MT1X: variants seen among roughly 807,000 people sequenced by gnomAD.
The protein encoded by MT1X is metallothionein-1X.
In MT1X, 7 loss-of-function variants were observed where a neutral mutation model predicts 8.6. The ratio of observed to expected loss-of-function variants is 0.81; its 90% CI spans 0.46 to 1.52. MT1X has a LOEUF of 1.52. MT1X is among the 40% of genes most tolerant of loss of function. The probability of loss-of-function intolerance (pLI) is 0.01; values close to 1 mark genes in which losing one functional copy is unlikely to be tolerated. For synonymous variants in MT1X, 25 were observed against 27.6 expected (o/e 0.91, Z 0.30); for missense variants, 72 against 74.3 (o/e 0.97, Z 0.11).
Position 56,683,973 on chromosome 16 carries a change from G to A in MT1X, c.110G>A (p.Cys37Tyr). 3.7e-6 allele frequency: 6 copies of A among 1,614,158 alleles called. No individual in the cohort carries two copies. The highest frequency in any genetic ancestry group is 5.1e-6 in the Non-Finnish European group (6 of 1,180,004). ...TSCKKSCCSCCPVGCAKCAQG... is the reference protein window; with the variant it reads ...TSCKKSCCSCYPVGCAKCAQG... Reference sequence around the variant, plus strand: ...TCTTCTCCAGGCTGCTGCTCCTGCTGCCCTGTGGGCTGTGCCAAGTGTGCC... The same window carrying A: ...TCTTCTCCAGGCTGCTGCTCCTGCTACCCTGTGGGCTGTGCCAAGTGTGCC... Residue 37 changes from cysteine (C) to tyrosine (Y), a missense_variant, in exon 3 of 3, where the codon TGC (cysteine) becomes TAC (tyrosine). Transcript: ENST00000394485.
chr16:56,683,727 A>G lies in MT1X; in HGVS notation c.95-231A>G, dbSNP rs373721269. The stretch of plus-strand genomic sequence containing the variant: ...GCCTCCTTTTGTTCCTGTACCCCCA[A>G]TCACTACCTGTCCAGTCTTCTGTCC... On this transcript the variant is annotated intron_variant, in intron 2 of 2. Transcript: ENST00000394485. 1,403 of 578,382 alleles carry G rather than the reference A, an allele frequency of 2.4e-3. 17 individuals are homozygous for G. The highest frequency in any genetic ancestry group is 0.018 in the South Asian group (799 of 44,956). 35.8% of individuals were successfully genotyped at this position (578,382 alleles called of 1,614,324 possible). A position where few individuals can be genotyped will look rare whatever the true frequency, so the allele number is the denominator to read the frequency against.
intron 2 of MT1X, chr16:56,683,557 G>A (rs1961027378): frequency 2.5e-6 from 1 of 396,422 alleles, no homozygotes; most frequent in African/African-American, 2.1e-5. Flanking sequence ...AAGACCCCGG[G>A]TGATTTCAAA....
chr16:56,683,083 G>A, intron 1 of MT1X, 82 bp from the exon 2 acceptor site: 1 of 1,516,880 alleles, frequency 6.6e-7, no homozygotes, highest in East Asian at 2.3e-5. Flanking sequence ...GCACAGAGGA[G>A]GGGTCACTGA....
Position 56,683,169 on chromosome 16 carries a change from C to T in MT1X, c.33C>T (p.Gly11=), listed in dbSNP as rs1361905017. The T allele has an allele frequency of 1.9e-6, 3 of 1,613,986 alleles. No individual in the cohort carries two copies. Among genetic ancestry groups the T allele is most frequent in the South Asian group, 2.2e-5 (2 of 91,086 alleles). Residue 11 remains glycine (G), a synonymous_variant, in exon 2 of 3, where the codon GGC becomes GGT. Coordinates refer to ENST00000394485, the MANE Select transcript of MT1X (RefSeq NM_005952.4). MDPNCSCSPV[G]SCACAGSCKC... ...GCCTTTTTCTCTTCCTTGCAGTTGG[C>T]TCCTGTGCCTGTGCCGGCTCCTGCA...
Position 56,683,170 on chromosome 16 carries a change from TCCTGTG to T in MT1X, c.43_48del (p.Cys15_Ala16del). On this transcript the variant is annotated inframe_deletion, in exon 2 of 3. Transcript: ENST00000394485. ...CCTTTTTCTCTTCCTTGCAGTTGGC[TCCTGTG>T]CCTGTGCCGGCTCCTGCAAATGCAA... 1 of 1,613,988 alleles carries T rather than the reference TCCTGTG, an allele frequency of 6.2e-7. No homozygotes were observed. Among genetic ancestry groups the T allele is most frequent in the Non-Finnish European group, 8.5e-7 (1 of 1,179,920 alleles).
chr16:56,684,144 C>T lies in MT1X; in HGVS notation c.*95C>T. ...TTTTTGTACAACCCTGACCCGTTTG[C>T]TACATCTTTTTTTCTATGAAATATG... On this transcript the variant is annotated 3_prime_UTR_variant, in exon 3 of 3. Transcript: ENST00000394485. 1 of 1,381,102 alleles carries T rather than the reference C, an allele frequency of 7.2e-7. No individual in the cohort carries two copies. The highest frequency in any genetic ancestry group is 9.7e-7 in the Non-Finnish European group (1 of 1,034,896). The allele number at this position is 1,381,102 out of a possible 1,614,324, so 85.6% of individuals were successfully genotyped here. A position where few individuals can be genotyped will look rare whatever the true frequency, so the allele number is the denominator to read the frequency against.
intron 1 of MT1X, 164 bp from the exon 2 acceptor site, chr16:56,683,001 T>C (rs1242822868): frequency 8.6e-6 from 7 of 810,424 alleles, no homozygotes; most frequent in Non-Finnish European, 1.2e-5. Flanking sequence ...CTTCCCAAAA[T>C]GAAGGGAGAG....
Position 56,684,138 on chromosome 16 carries a change from C to T in MT1X, c.*89C>T, listed in dbSNP as rs1471036493. On this transcript the variant is annotated 3_prime_UTR_variant, in exon 3 of 3. Transcript: ENST00000394485. ...TTTTTTTTTTTGTACAACCCTGACC[C>T]GTTTGCTACATCTTTTTTTCTATGA... The T allele has an allele frequency of 7.1e-6, 10 of 1,414,682 alleles. No individual in the cohort carries two copies. Among genetic ancestry groups the T allele is most frequent in the African/African-American group, 2.9e-5 (2 of 67,998 alleles). 87.6% of individuals were successfully genotyped at this position (1,414,682 alleles called of 1,614,324 possible).
intron 2 of MT1X, chr16:56,683,542 T>C (rs1289489467): frequency 2.5e-6 from 1 of 406,620 alleles, no homozygotes; most frequent in Non-Finnish European, 4.5e-6. Context: ...AGGCCCAGGA[T>C]CTGGAAGACC....
chr16:56,684,103 ATTTTTTT>A lies in MT1X; in HGVS notation c.*68_*74del, dbSNP rs34700091. 3.7e-5 allele frequency: 47 copies of A among 1,276,274 alleles called. No homozygotes were observed. The highest frequency in any genetic ancestry group is 1.1e-4 in the East Asian group (4 of 37,990). 79.1% of individuals were successfully genotyped at this position (1,276,274 alleles called of 1,614,324 possible). A position where few individuals can be genotyped will look rare whatever the true frequency, so the allele number is the denominator to read the frequency against. On this transcript the variant is annotated 3_prime_UTR_variant, in exon 3 of 3. Transcript: ENST00000394485. ...AATAGAGCAACCTATATAAACCTGG[ATTTTTTT>A]TTTTTTTTTTTTTGTACAACCCTGA...
rs1204243664 is a variant in MT1X at position 56,684,063 on chromosome 16, G to C, written c.*14G>C. 3 of 1,610,576 alleles carry C rather than the reference G, an allele frequency of 1.9e-6. No homozygotes were observed. Among genetic ancestry groups the C allele is most frequent in the Non-Finnish European group, 2.5e-6 (3 of 1,178,732 alleles). On this transcript the variant is annotated 3_prime_UTR_variant, in exon 3 of 3. Transcript: ENST00000394485. Reference sequence around the variant, plus strand: ...TGCTGTGCCTGATGCCAGGACAGCTGTGCTCTCAGATGTAAATAGAGCAAC... The same window carrying C: ...TGCTGTGCCTGATGCCAGGACAGCTCTGCTCTCAGATGTAAATAGAGCAAC...
At chr16:56,683,639 G>A in intron 2 of MT1X, 1 of 407,660 alleles carries the variant, frequency 2.5e-6, no homozygotes. Flanking sequence ...TGCTGTGTCA[G>A]GGATTTGCCC....
At chr16:56,683,260 G>A (rs1411249173) in intron 2 of MT1X, 30 bp downstream of exon 2, 1 of 1,613,244 alleles carries the variant, frequency 6.2e-7, no homozygotes, top group Non-Finnish European at 8.5e-7. Flanking sequence ...TGCGAATCTG[G>A]GGGATGGGCC....
chr16:56,683,488 T>C, intron 2 of MT1X: 1 of 475,832 alleles, frequency 2.1e-6, no homozygotes, highest in Non-Finnish European at 3.8e-6. Context: ...GTCTCCTGCC[T>C]CCTGATGCAG....
At chr16:56,683,607 C>T (rs62038753) in intron 2 of MT1X, 94,984 of 384,276 alleles carry the variant, frequency 0.25, 13,214 homozygotes, top group Middle Eastern at 0.31. Flanking sequence ...TAGCCCAGAG[C>T]TTCCCTAGCC....
At position 56,682,496 on chromosome 16, in the gene MT1X, G is replaced by A. The variant is rs1567358252; in HGVS notation, c.-45G>A. The A allele has an allele frequency of 6.2e-7, 1 of 1,612,100 alleles. No homozygotes were observed. On this transcript the variant is annotated 5_prime_UTR_variant, in exon 1 of 3. In the 5' UTR this introduces an upstream ATG that the reference lacks. Coordinates refer to ENST00000394485, the MANE Select transcript of MT1X (RefSeq NM_005952.4). ...CCACGCTTTTCATCTGTCCCGCTGC[G>A]TGTTTTCCTCTTGATCGGGAACTCC...
chr16:56,682,749 T>TA (rs1431863495), intron 1 of MT1X, 181 bp downstream of exon 1: 6 of 762,652 alleles, frequency 7.9e-6, no homozygotes, highest in Non-Finnish European at 1.3e-5. Context: ...GCCTCTAAGT[T>TA]AGAGTTGAGG....
intron 1 of MT1X, 67 bp from the exon 2 acceptor site, chr16:56,683,097 GT>G: frequency 6.3e-7 from 1 of 1,582,248 alleles, no homozygotes; most frequent in Admixed American, 1.7e-5. Context: ...TCACTGAAGC[GT>G]TATTGACCAG....
intron 1 of MT1X, 30 bp downstream of exon 1, chr16:56,682,598 A>T (rs1961014882): frequency 6.2e-7 from 1 of 1,614,076 alleles, no homozygotes. Context: ...GCGCCTTGGG[A>T]TGCCCGTTTC....
Sources: gnomAD v4.1 joint callset for allele counts on GRCh38, gnomAD v4.1.1 for gene constraint, MANE v1.5 for transcripts, NCBI Gene and HGNC (gene_info 2026-07-23, HGNC 2026-07-21) for gene names.